Variants in DGKG observed in about 807,000 individuals in gnomAD.
DGKG encodes the protein DAG kinase gamma.
A neutral mutation model predicts 105.3 loss-of-function variants in DGKG; 78 were observed. The observed-to-expected ratio is 0.74, with a 90% CI of 0.62 to 0.89. The LOEUF (loss-of-function observed/expected upper bound fraction) is 0.89, where lower values mean the gene tolerates loss of function less well. Ranked by LOEUF, DGKG falls within the 40% of genes least tolerant of loss-of-function variation. The pLI, the probability that DGKG is intolerant of heterozygous loss-of-function variation, is 0.00. For missense variants in DGKG, 958 were observed against 1,020.1 expected (o/e 0.94, Z 0.83); for synonymous variants, 346 against 367.1 (o/e 0.94, Z 0.66).
intron 11 of DGKG, 84 bp from the exon 12 acceptor site, chr3:186,269,001 G>T (rs1722191915): frequency 2.2e-6 from 2 of 894,330 alleles, no homozygotes; most frequent in South Asian, 1.4e-5. Flanking sequence ...GGATCTGGGA[G>T]GGGACGCGGG....
chr3:186,225,833 T>C (rs1011109190), intron 20 of DGKG, among the ~76,000 whole-genome samples: 27 of 152,264 alleles, frequency 1.8e-4, no homozygotes, highest in Non-Finnish European at 2.4e-4. Flanking sequence ...GTGTCTCCGC[T>C]ACTTTCTTCC....
chr3:186,285,187 A>G (rs1451229756), intron 6 of DGKG, among the ~76,000 whole-genome samples: 5 of 152,226 alleles, frequency 3.3e-5, no homozygotes, highest in Admixed American at 3.3e-4. Flanking sequence ...AAGTGGAGAG[A>G]ATAATAGTTG....
At chr3:186,230,105 A>C (rs1720075481) in intron 20 of DGKG, among the ~76,000 whole-genome samples, 1 of 152,134 alleles carries the variant, frequency 6.6e-6, no homozygotes, top group South Asian at 2.1e-4. Context: ...TAAAAATAAA[A>C]AAATTAGCCG....
At chr3:186,166,312 C>T (rs1338418412) in intron 22 of DGKG, among the ~76,000 whole-genome samples, 1 of 152,222 alleles carries the variant, frequency 6.6e-6, no homozygotes, top group African/African-American at 2.4e-5. Context: ...GTGACAGGCA[C>T]ATAGCTTTCC....
chr3:186,225,940 G>T (rs1719840032), intron 20 of DGKG, among the ~76,000 whole-genome samples: 1 of 152,174 alleles, frequency 6.6e-6, no homozygotes, highest in African/African-American at 2.4e-5. Context: ...GGTGAGAGAT[G>T]AATCATATTG....
rs373010017 is a variant in DGKG at position 186,279,947 on chromosome 3, C to G, written c.696G>C (p.Met232Ile). 390 of 1,614,042 alleles carry G rather than the reference C, an allele frequency of 2.4e-4. No individual in the cohort carries two copies. Among genetic ancestry groups the G allele is most frequent in the Non-Finnish European group, 3.2e-4 (373 of 1,180,010 alleles). ...ACACAAAGCCGTCCCGGTCGTAGTC[C>G]ATCCCTTGCAGCATCTCCTTCAATA... ...RPILKEMLQG[M>I]DYDRDGFVSL... Residue 232 changes from methionine to isoleucine, a missense_variant, in exon 9 of 25, where the codon ATG becomes ATC. Physicochemically the swap from Met to Ile is conservative, Grantham distance 10. Around this residue, in one of 2 missense-constraint regions of DGKG, gnomAD observed 643 missense variants for 619.5 expected, o/e 1.04. Transcript: ENST00000265022.
At chr3:186,157,026 AT>A (rs1716068050) in intron 24 of DGKG, among the ~76,000 whole-genome samples, 1 of 151,824 alleles carries the variant, frequency 6.6e-6, no homozygotes, top group African/African-American at 2.4e-5. Context: ...CTTCAAGTAT[AT>A]ATTGCATTGG....
At chr3:186,299,947 G>A (rs1038470555) in intron 3 of DGKG, among the ~76,000 whole-genome samples, 72 of 151,262 alleles carry the variant, frequency 4.8e-4, no homozygotes, top group African/African-American at 1.4e-3. Context: ...TGATCCTCAC[G>A]CCTCAGCCTC....
At chr3:186,294,039 G>T (rs1031675062) in intron 5 of DGKG, among the ~76,000 whole-genome samples, 1 of 152,184 alleles carries the variant, frequency 6.6e-6, no homozygotes, top group African/African-American at 2.4e-5. Flanking sequence ...ATAGGGGGCT[G>T]ATTTTTCCCA....
rs1289378371 is a variant in DGKG, at chr3:186,210,383, C to A, written c.1917+1412G>T. On this transcript the variant is annotated intron_variant, in intron 21 of 24. Coordinates refer to ENST00000265022, the MANE Select transcript of DGKG (RefSeq NM_001346.3). This position sits in a 1 kb window ranked among gnomAD's most constrained non-coding sequence, Gnocchi z 5.2. ...CTCAGCTCCCAGCACTGCGTTCACA[C>A]GTCAAGAGAGGAGGACCGGCTTCTC... Among the ~76,000 whole-genome samples the A allele has an allele frequency of 6.6e-6, 1 of 152,240 alleles. No homozygotes were observed. Among genetic ancestry groups the A allele is most frequent in the African/African-American group, 2.4e-5 (1 of 41,462 alleles).
Position 186,306,944 on chromosome 3 carries a change from T to G in DGKG, c.101A>C (p.Glu34Ala), listed in dbSNP as rs1161793261. ...TTTGAGGCTCCCACCCTCATTAAAT[T>G]CAGTCAAGGCATCTTTTATCTTCTT... ...SSKKIKDALT[E>A]FNEGGSLKQY... Residue 34 changes from glutamate (E) to alanine (A), a missense_variant, in exon 3 of 25, where the codon GAA becomes GCA. Coordinates refer to ENST00000265022, the MANE Select transcript of DGKG (RefSeq NM_001346.3). The G allele has an allele frequency of 6.2e-7, 1 of 1,613,154 alleles. No individual in the cohort carries two copies. The highest frequency in any genetic ancestry group is 1.1e-5 in the South Asian group (1 of 91,064).
At chr3:186,222,564 C>T (rs1211501089) in intron 20 of DGKG, among the ~76,000 whole-genome samples, 1 of 152,142 alleles carries the variant, frequency 6.6e-6, no homozygotes, top group East Asian at 1.9e-4. Flanking sequence ...CACACATGGT[C>T]GGGTGCGGTG....
chr3:186,211,961 T>C (rs552357282), intron 20 of DGKG, 76 bp from the exon 21 acceptor site: 5 of 1,206,502 alleles, frequency 4.1e-6, no homozygotes, highest in Non-Finnish European at 6.1e-6. Flanking sequence ...GTTCTTTGGA[T>C]TGGGAGGCCC....
intron 22 of DGKG, among the ~76,000 whole-genome samples, chr3:186,187,032 C>T (rs921962502): frequency 2.6e-5 from 4 of 152,092 alleles, no homozygotes; most frequent in Non-Finnish European, 5.9e-5. Context: ...GCAGAGTGAG[C>T]GATGGAGAGA....
At chr3:186,155,178 GGTTTT>G (rs947091805) in intron 24 of DGKG, among the ~76,000 whole-genome samples, 5 of 151,956 alleles carry the variant, frequency 3.3e-5, no homozygotes, top group African/African-American at 1.2e-4. Flanking sequence ...GTTTTATTTT[GGTTTT>G]GTTTTGTTTT....
At chr3:186,327,377 T>C (rs1725392369) in intron 1 of DGKG, among the ~76,000 whole-genome samples, 1 of 146,864 alleles carries the variant, frequency 6.8e-6, no homozygotes, top group African/African-American at 2.6e-5. Flanking sequence ...TCCTCCTTAT[T>C]CTTTTTCTTC....
intron 19 of DGKG, among the ~76,000 whole-genome samples, chr3:186,247,763 A>G (rs1721012266): frequency 6.6e-6 from 1 of 152,216 alleles, no homozygotes; most frequent in South Asian, 2.1e-4. Context: ...GCAACATAAT[A>G]TTAAACATGG....
At chr3:186,293,406 G>A (rs1229414872) in intron 5 of DGKG, among the ~76,000 whole-genome samples, 1 of 152,102 alleles carries the variant, frequency 6.6e-6, no homozygotes, top group Non-Finnish European at 1.5e-5. Context: ...AAATACTGGG[G>A]GACTTTCCTT....
chr3:186,158,746 C>A (rs1281822049), intron 24 of DGKG: 2 of 969,582 alleles, frequency 2.1e-6, no homozygotes, highest in Non-Finnish European at 1.2e-6. Flanking sequence ...AATTCTATAT[C>A]AACCTTTTCT....
Sources: gnomAD v4.1 joint callset for allele counts (sites outside exome capture counted in the v4.1 genomes callset) on GRCh38, gnomAD v4.1.1 for gene constraint, gnomAD v4.1.1 regional missense constraint, Gnocchi (gnomAD v3.1) non-coding constraint, MANE v1.5 for transcripts, NCBI Gene and HGNC (gene_info 2026-07-23, HGNC 2026-07-21) for gene names.